DCP1B: variants seen among roughly 807,000 people sequenced by gnomAD.
DCP1B encodes the protein mRNA-decapping enzyme 1B.
DCP1B carries 47 observed loss-of-function variants against 60.5 expected under a neutral mutation model. The observed-to-expected ratio is 0.78, with a 90% CI of 0.61 to 0.99. The LOEUF (loss-of-function observed/expected upper bound fraction) is 0.99. Among genes scored for constraint, DCP1B ranks in the 50% least tolerant of loss-of-function variants. The pLI, the probability that DCP1B is intolerant of heterozygous loss-of-function variation, is 0.00. For missense variants in DCP1B, 725 were observed against 756.8 expected, an observed-to-expected ratio of 0.96 and a Z score of 0.49; for synonymous variants, 267 against 280.3, an observed-to-expected ratio of 0.95 and a Z score of 0.47.
rs2031153395 is a variant in DCP1B, at chr12:1,962,266, G to C, written c.522+3292C>G. 6.6e-6 allele frequency among the ~76,000 whole-genome samples: 1 copy of C among 152,160 alleles called. No homozygotes were observed. The highest frequency in any genetic ancestry group is 6.5e-5 in the Admixed American group (1 of 15,272). The stretch of plus-strand genomic sequence containing the variant: ...GAGACGAGGAGATACGTATGGCTCA[G>C]GATTGGTTAGTGTGCATATTAAAGG... On this transcript the variant is annotated intron_variant, in intron 5 of 8. Coordinates refer to ENST00000280665, the MANE Select transcript of DCP1B (RefSeq NM_152640.5). This position sits in a 1 kb window ranked among gnomAD's most constrained non-coding sequence, Gnocchi z 4.4.
chr12:1,971,207 A>C lies in DCP1B; in HGVS notation c.320-3297T>G. On this transcript the variant is annotated intron_variant, in intron 3 of 8. Transcript: ENST00000280665. This position sits in a 1 kb window ranked among gnomAD's most constrained non-coding sequence, Gnocchi z 4.2. Reference sequence around the variant, plus strand: ...TTTCTACATCTCTCCTGGAGGTAAGAAACCCTAAAGTGAAATAAAGAGTAG... The same window carrying C: ...TTTCTACATCTCTCCTGGAGGTAAGCAACCCTAAAGTGAAATAAAGAGTAG... 7.8e-7 allele frequency: 1 copy of C among 1,283,828 alleles called. No individual in the cohort carries two copies. The highest frequency in any genetic ancestry group is 1.0e-6 in the Non-Finnish European group (1 of 983,784). 79.5% of individuals were successfully genotyped at this position (1,283,828 alleles called of 1,614,324 possible). A position where few individuals can be genotyped will look rare whatever the true frequency, so the allele number is the denominator to read the frequency against.
rs74059695 is a variant in DCP1B, at chr12:2,001,405, A to C, written c.150+2877T>G. 1.7e-3 allele frequency among the ~76,000 whole-genome samples: 252 copies of C among 152,334 alleles called. 1 individual carries two copies. Among genetic ancestry groups the C allele is most frequent in the African/African-American group, 5.9e-3 (245 of 41,576 alleles). On this transcript the variant is annotated intron_variant, in intron 1 of 8. Coordinates refer to ENST00000280665, the MANE Select transcript of DCP1B (RefSeq NM_152640.5). The stretch of plus-strand genomic sequence containing the variant: ...GATTTAATATTATACTGTATTATAA[A>C]ATCTAACAAGTGCTAAAGAAATAAG...
Position 1,961,100 on chromosome 12 carries a change from C to T in DCP1B, c.522+4458G>A, listed in dbSNP as rs567287732. 3.9e-4 allele frequency among the ~76,000 whole-genome samples: 60 copies of T among 152,260 alleles called. 1 individual carries two copies. In the South Asian group the frequency reaches 0.012, roughly 31 times the overall value. Reference sequence around the variant, plus strand: ...CAAAAATAAGGTGATGGAAAAAGAACATCTGAAACAGGCCCTGAAAGCTGG... The same window carrying T: ...CAAAAATAAGGTGATGGAAAAAGAATATCTGAAACAGGCCCTGAAAGCTGG... On this transcript the variant is annotated intron_variant, in intron 5 of 8. Coordinates refer to ENST00000280665, the MANE Select transcript of DCP1B (RefSeq NM_152640.5).
chr12:1,986,955 T>C (rs763687037), intron 3 of DCP1B, among the ~76,000 whole-genome samples: 5 of 152,178 alleles, frequency 3.3e-5, no homozygotes, highest in Non-Finnish European at 2.9e-5. Context: ...TGGGGGGTTA[T>C]GAAACATCCC....
intron 3 of DCP1B, among the ~76,000 whole-genome samples, chr12:1,984,840 T>C (rs187677965): frequency 1.1e-4 from 16 of 151,790 alleles, no homozygotes; most frequent in Admixed American, 7.2e-4. Flanking sequence ...TATATGTCTT[T>C]ATTTCACCTT....
chr12:1,952,318 CGT>C, intron 7 of DCP1B, 96 bp downstream of exon 7: 1 of 1,398,560 alleles, frequency 7.2e-7, no homozygotes, highest in Non-Finnish European at 9.5e-7. Flanking sequence ...GTGCTATAGG[CGT>C]GTGACACCAA....
chr12:1,948,215 G>C lies in DCP1B; in HGVS notation c.1773+871C>G, dbSNP rs2030512223. On this transcript the variant is annotated intron_variant, in intron 8 of 8. Transcript: ENST00000280665. This position sits in a 1 kb window ranked among gnomAD's most constrained non-coding sequence, Gnocchi z 4.8. ...GCCGTTGATTTCTTGGGTGTGCTTTGCTAGGGCACCTGTGCTGAATGTTCT... is the reference window on the plus strand; with the variant it reads ...GCCGTTGATTTCTTGGGTGTGCTTTCCTAGGGCACCTGTGCTGAATGTTCT... 1.3e-5 allele frequency among the ~76,000 whole-genome samples: 2 copies of C among 152,230 alleles called. No homozygotes were observed. Among genetic ancestry groups the C allele is most frequent in the South Asian group, 4.1e-4 (2 of 4,832 alleles).
At chr12:1,982,081 G>C (rs1185812649) in intron 3 of DCP1B, among the ~76,000 whole-genome samples, 1 of 152,112 alleles carries the variant, frequency 6.6e-6, no homozygotes, top group Non-Finnish European at 1.5e-5. Flanking sequence ...AATTAATTAG[G>C]CTTGTGCTAC....
intron 3 of DCP1B, among the ~76,000 whole-genome samples, chr12:1,977,534 G>T (rs565056302): frequency 6.6e-6 from 1 of 152,276 alleles, no homozygotes; most frequent in African/African-American, 2.4e-5. Flanking sequence ...TGCGAATTTT[G>T]TTAAGTACAC....
At chr12:1,965,834 G>GA in intron 4 of DCP1B, 141 bp from the exon 5 acceptor site, 1 of 1,144,098 alleles carries the variant, frequency 8.7e-7, no homozygotes, top group Non-Finnish European at 1.2e-6. Flanking sequence ...ATTTAAAGGA[G>GA]AAAAATGAGA....
intron 3 of DCP1B, among the ~76,000 whole-genome samples, chr12:1,973,319 A>C (rs903564743): frequency 2.6e-5 from 4 of 152,142 alleles, no homozygotes; most frequent in African/African-American, 9.7e-5. Context: ...GGTGACTAAT[A>C]CTCATGAACA....
intron 5 of DCP1B, among the ~76,000 whole-genome samples, chr12:1,963,832 T>G (rs1340227650): frequency 6.6e-6 from 1 of 152,224 alleles, no homozygotes; most frequent in East Asian, 1.9e-4. Context: ...TTTATGTCCT[T>G]TCAGGGCAAG....
At chr12:1,972,381 C>A (rs2032666973) in intron 3 of DCP1B, among the ~76,000 whole-genome samples, 1 of 152,164 alleles carries the variant, frequency 6.6e-6, no homozygotes, top group Non-Finnish European at 1.5e-5. Flanking sequence ...TTATCTAGAT[C>A]AAGCTTTAAT....
At chr12:2,004,099 C>T in intron 1 of DCP1B, 183 bp downstream of exon 1, 1 of 805,818 alleles carries the variant, frequency 1.2e-6, no homozygotes, top group South Asian at 1.8e-5. Context: ...CTCCACAGAT[C>T]CGCCTTCCTT....
At chr12:1,963,259 T>G (rs928971355) in intron 5 of DCP1B, among the ~76,000 whole-genome samples, 2 of 152,214 alleles carry the variant, frequency 1.3e-5, no homozygotes, top group African/African-American at 2.4e-5. Flanking sequence ...ACATTAATAT[T>G]ACTGATGATC....
chr12:1,945,711 G>A (rs938550995), downstream of DCP1B, among the ~76,000 whole-genome samples: 8 of 152,142 alleles, frequency 5.3e-5, no homozygotes, highest in Non-Finnish European at 2.9e-5. Context: ...CCATAAAAAA[G>A]AATGAGTTCT....
intron 3 of DCP1B, among the ~76,000 whole-genome samples, chr12:1,973,171 AC>A (rs1461427587): frequency 1.3e-5 from 2 of 152,344 alleles, no homozygotes; most frequent in African/African-American, 4.8e-5. Flanking sequence ...CTGAGAGTCT[AC>A]ATAGCACTGT....
chr12:1,966,938 T>C (rs762731503), intron 4 of DCP1B, among the ~76,000 whole-genome samples: 1 of 152,214 alleles, frequency 6.6e-6, no homozygotes, highest in African/African-American at 2.4e-5. Flanking sequence ...ACTGATTCTT[T>C]TGCACACAGA....
At chr12:1,973,307 T>C (rs528619388) in intron 3 of DCP1B, among the ~76,000 whole-genome samples, 15 of 152,318 alleles carry the variant, frequency 9.8e-5, no homozygotes, top group African/African-American at 3.4e-4. Flanking sequence ...TTCTATTTTA[T>C]GGGTGACTAA....
Sources: allele counts gnomAD v4.1 joint callset (sites outside exome capture counted in the v4.1 genomes callset), GRCh38; gene constraint gnomAD v4.1.1; non-coding constraint Gnocchi (gnomAD v3.1); transcripts MANE v1.5; gene names NCBI Gene and HGNC (gene_info 2026-07-23, HGNC 2026-07-21).